Variants in EPS8 observed in about 807,000 individuals in gnomAD.
EPS8 encodes the protein epidermal growth factor receptor kinase substrate 8.
Under a neutral mutation model 103.8 loss-of-function variants are expected in EPS8, and 42 were observed. That is an observed-to-expected ratio of 0.40 (90% CI 0.32 to 0.52). The LOEUF (loss-of-function observed/expected upper bound fraction) is 0.52. EPS8 is among the 20% of genes least tolerant of loss of function. The pLI is 0.40. For missense variants in EPS8, 969 were observed against 1,005.1 expected (o/e 0.96, Z 0.49); for synonymous variants, 344 against 344.6 (o/e 1.00, Z 0.02).
At chr12:15,649,621 GA>G (rs757366903) in intron 14 of EPS8, among the ~76,000 whole-genome samples, 34 of 150,322 alleles carry the variant, frequency 2.3e-4, no homozygotes, top group South Asian at 2.1e-3. Context: ...CAGCCAGAGG[GA>G]AAAAAAAATT....
At chr12:15,650,071 C>A (rs1313145883) in intron 14 of EPS8, among the ~76,000 whole-genome samples, 1 of 152,140 alleles carries the variant, frequency 6.6e-6, no homozygotes, top group South Asian at 2.1e-4. Context: ...ATAGAAACAT[C>A]ACTTTTAGGG....
intron 3 of EPS8, among the ~76,000 whole-genome samples, 161 bp from the exon 4 acceptor site, chr12:15,671,084 A>G (rs1945808484): frequency 6.6e-6 from 1 of 152,148 alleles, no homozygotes; most frequent in Non-Finnish European, 1.5e-5. Context: ...CATTATTCGC[A>G]GTAAATCTAA....
Position 15,757,215 on chromosome 12 carries a change from C to G in EPS8, c.-22+31946G>C, listed in dbSNP as rs1946994703. On this transcript the variant is annotated intron_variant, in intron 1 of 20. Transcript: ENST00000281172. The surrounding 1 kb of genome is among the most constrained non-coding windows in gnomAD (Gnocchi z 4.1). ...AAATTGTTACCATTTTAAATACCCT[C>G]AAAACAGTGGTGTAGAGTGAAATGT... Among the ~76,000 whole-genome samples the G allele has an allele frequency of 6.6e-6, 1 of 152,166 alleles. No homozygotes were observed. Among genetic ancestry groups the G allele is most frequent in the Non-Finnish European group, 1.5e-5 (1 of 68,020 alleles).
chr12:15,672,556 C>G (rs995041499), intron 3 of EPS8: 1 of 397,810 alleles, frequency 2.5e-6, no homozygotes, highest in Non-Finnish European at 4.4e-6. Flanking sequence ...CTAAAATTTT[C>G]TCTCCCAATA....
intron 1 of EPS8, among the ~76,000 whole-genome samples, chr12:15,775,627 C>T (rs1043321797): frequency 3.3e-5 from 5 of 152,072 alleles, no homozygotes; most frequent in Non-Finnish European, 5.9e-5. Context: ...AAAGATTAGC[C>T]TTTATTTTCC....
rs1168424573 is a variant in EPS8 at position 15,716,628 on chromosome 12, GCA to G, written c.-21-33658_-21-33657del. Among the ~76,000 whole-genome samples the G allele has an allele frequency of 2.0e-5, 3 of 152,016 alleles. No individual in the cohort carries two copies. Among genetic ancestry groups the G allele is most frequent in the Non-Finnish European group, 2.9e-5 (2 of 67,982 alleles). ...TCCAAAGCTCTTGAAGCTGGAAATT[GCA>G]CACACACACATCTTTACTGGTAACC... On this transcript the variant is annotated intron_variant, in intron 1 of 20. Transcript: ENST00000281172. The surrounding 1 kb of genome is among the most constrained non-coding windows in gnomAD (Gnocchi z 5.0).
rs71042267 is a variant in EPS8, at chr12:15,681,728, C to CAAAAA, written c.60-431_60-427dup. On this transcript the variant is annotated intron_variant, in intron 2 of 20. Transcript: ENST00000281172. ...CTGGTGACAGAGCGAGACTCTGTCT[C>CAAAAA]AAAAAAAAAAAAAAAAAAAAAAAAA... is the stretch of plus-strand genomic sequence containing the variant. Among the ~76,000 whole-genome samples, 5 of 39,210 alleles carry CAAAAA rather than the reference C, an allele frequency of 1.3e-4. 1 individual carries two copies. The highest frequency in any genetic ancestry group is 8.3e-4 in the East Asian group (1 of 1,212). 25.7% of individuals were successfully genotyped at this position (39,210 alleles called of 152,430 possible).
At chr12:15,634,738 C>T (rs1047176009) in intron 17 of EPS8, 4 of 398,712 alleles carry the variant, frequency 1.0e-5, no homozygotes, top group East Asian at 3.6e-5. Context: ...ATGTGGGTTA[C>T]CTCTGACAGC....
rs1397448842 is a variant in EPS8 at position 15,760,125 on chromosome 12, C to A, written c.-22+29036G>T. ...ATCAGAGATGAAAAAGTAGACATTA[C>A]AGCTGATACCACAGAAATTCAAAGG... On this transcript the variant is annotated intron_variant, in intron 1 of 20. Transcript: ENST00000281172. This position sits in a 1 kb window ranked among gnomAD's most constrained non-coding sequence, Gnocchi z 4.5. Among the ~76,000 whole-genome samples, 3 of 151,894 alleles carry A rather than the reference C, an allele frequency of 2.0e-5. No individual in the cohort carries two copies. In the East Asian group the frequency reaches 5.8e-4, roughly 29 times the overall value.
At chr12:15,658,811 T>C (rs1346803304) in intron 10 of EPS8, among the ~76,000 whole-genome samples, 1 of 152,180 alleles carries the variant, frequency 6.6e-6, no homozygotes, top group Non-Finnish European at 1.5e-5. Context: ...TTTAATTCCA[T>C]AAACATACAT....
chr12:15,758,339 G>A (rs981398067), intron 1 of EPS8, among the ~76,000 whole-genome samples: 4 of 152,258 alleles, frequency 2.6e-5, no homozygotes, highest in East Asian at 1.9e-4. Context: ...AATCTATAAC[G>A]TAGAACATTC....
At position 15,765,235 on chromosome 12, in the gene EPS8, G is replaced by T. The variant is rs1947081291; in HGVS notation, c.-22+23926C>A. Reference sequence around the variant, plus strand: ...ACAAAATAAGCCTTTATCCCAAAAAGTGATGCCTAGTAGTGATTCCTTCAC... The same window carrying T: ...ACAAAATAAGCCTTTATCCCAAAAATTGATGCCTAGTAGTGATTCCTTCAC... On this transcript the variant is annotated intron_variant, in intron 1 of 20. Coordinates refer to ENST00000281172, the MANE Select transcript of EPS8 (RefSeq NM_004447.6). Among the ~76,000 whole-genome samples, 2 of 152,266 alleles carry T rather than the reference G, an allele frequency of 1.3e-5. 1 individual carries two copies. Among genetic ancestry groups the T allele is most frequent in the South Asian group, 4.1e-4 (2 of 4,822 alleles).
In EPS8 at chr12:15,654,212, T is replaced by G; in HGVS notation, c.1183A>C (p.Asn395His). Residue 395 changes from asparagine (N) to histidine (H), a missense_variant, in exon 13 of 21, where the codon AAT (asparagine) becomes CAT (histidine). Physicochemically the swap from Asn to His is moderately conservative, Grantham distance 68 (BLOSUM62 1). Coordinates refer to ENST00000281172, the MANE Select transcript of EPS8 (RefSeq NM_004447.6). ...LLNKDTIDFL[N>H]YTVNGDERQL... is the part of the protein sequence containing the mutation. The stretch of plus-strand genomic sequence containing the variant: ...CGTTCATCACCATTGACAGTATAAT[T>G]TAAGAAATCAATTGTGTCCTTATTC... 2 of 1,613,728 alleles carry G rather than the reference T, an allele frequency of 1.2e-6. No individual in the cohort carries two copies. The highest frequency in any genetic ancestry group is 1.7e-6 in the Non-Finnish European group (2 of 1,179,756).
intron 1 of EPS8, among the ~76,000 whole-genome samples, chr12:15,694,798 A>G (rs113141964): frequency 7.9e-5 from 12 of 152,338 alleles, no homozygotes; most frequent in African/African-American, 2.9e-4. Flanking sequence ...AATTGAGCCT[A>G]TTATATTTCA....
At chr12:15,643,613 C>T (rs1021992316) in intron 15 of EPS8, among the ~76,000 whole-genome samples, 1 of 152,038 alleles carries the variant, frequency 6.6e-6, no homozygotes, top group African/African-American at 2.4e-5. Context: ...GTGGCACATG[C>T]CTGTAATCCC....
In EPS8 at chr12:15,669,728, C is replaced by T. The variant is rs1945781238; in HGVS notation, c.302G>A (p.Trp101Ter). The T allele has an allele frequency of 1.2e-6, 2 of 1,613,750 alleles. No individual in the cohort carries two copies. Among genetic ancestry groups the T allele is most frequent in the South Asian group, 2.2e-5 (2 of 91,012 alleles). The change falls in exon 5 of 21, where the codon TGG becomes TAG. Residue 101 changes from tryptophan to a stop codon, truncating the protein, a stop_gained. Transcript: ENST00000281172. LOFTEE classifies it high-confidence loss of function. ...CACTTGAAGAATCATATCTTGAGTC[C>T]ACACTTTGCCCTTGGCATCAAGCAA... ...LKLLDAKGKV[W>*]TQDMILQVDD...
At chr12:15,670,695 T>C (rs1016788803) in intron 4 of EPS8, among the ~76,000 whole-genome samples, 161 bp downstream of exon 4, 2 of 152,152 alleles carry the variant, frequency 1.3e-5, no homozygotes, top group Non-Finnish European at 2.9e-5. Flanking sequence ...ACTAACAAGA[T>C]ACTTTATATG....
At chr12:15,720,571 T>C (rs886503628) in intron 1 of EPS8, among the ~76,000 whole-genome samples, 1 of 152,206 alleles carries the variant, frequency 6.6e-6, no homozygotes, top group African/African-American at 2.4e-5. Flanking sequence ...CAAATAATCA[T>C]ACACTTAGTG....
chr12:15,686,619 G>A (rs1025533213), intron 1 of EPS8, among the ~76,000 whole-genome samples: 1 of 152,042 alleles, frequency 6.6e-6, no homozygotes, highest in Non-Finnish European at 1.5e-5. Flanking sequence ...AAAGGAAATG[G>A]AATATATAAA....
Sources: allele counts gnomAD v4.1 joint callset (sites outside exome capture counted in the v4.1 genomes callset), GRCh38; gene constraint gnomAD v4.1.1; non-coding constraint Gnocchi (gnomAD v3.1); transcripts MANE v1.5; gene names NCBI Gene and HGNC (gene_info 2026-07-23, HGNC 2026-07-21).